Variants in RCBTB1 observed in about 807,000 individuals in gnomAD.
RCBTB1 encodes the protein RCC1 and BTB domain containing protein 1, also known as RCC1 and BTB domain-containing protein 1.
In RCBTB1, 46 loss-of-function variants were observed where a neutral mutation model predicts 62.4. The observed-to-expected ratio is 0.74, with a 90% CI of 0.58 to 0.94. RCBTB1 has a LOEUF of 0.94. Ranked by LOEUF, RCBTB1 falls within the 40% of genes least tolerant of loss-of-function variation. The pLI is 0.00. For missense variants in RCBTB1, 565 were observed against 654.9 expected, an observed-to-expected ratio of 0.86 and a Z score of 1.50; for synonymous variants, 222 against 245.8, an observed-to-expected ratio of 0.90 and a Z score of 0.91.
intron 9 of RCBTB1, among the ~76,000 whole-genome samples, chr13:49,545,291 A>G (rs964980220): frequency 6.6e-6 from 1 of 152,140 alleles, no homozygotes; most frequent in African/African-American, 2.4e-5. Context: ...ACCCAACTCA[A>G]GGAGGTGCAA....
In RCBTB1 at chr13:49,559,993, G is replaced by A; in HGVS notation, c.369C>T (p.Thr123=). 2 of 1,614,148 alleles carry A rather than the reference G, an allele frequency of 1.2e-6. No homozygotes were observed. The highest frequency in any genetic ancestry group is 1.7e-6 in the Non-Finnish European group (2 of 1,180,012). Residue 123 remains threonine, a synonymous_variant, in exon 5 of 13, where the codon ACC becomes ACT. Coordinates refer to ENST00000378302, the MANE Select transcript of RCBTB1 (RefSeq NM_018191.4). ...CCACCACTTGCTTGATCAAGAGATTGGTACAGACCTGGACGGGAGCAATGC... is the reference window on the plus strand; with the variant it reads ...CCACCACTTGCTTGATCAAGAGATTAGTACAGACCTGGACGGGAGCAATGC... ...NQGIAPVQVC[T]NLLIKQVVEV...
At chr13:49,549,799 C>T in intron 8 of RCBTB1, 151 bp from the exon 9 acceptor site, 1 of 1,428,844 alleles carries the variant, frequency 7.0e-7, no homozygotes, top group Non-Finnish European at 9.1e-7. Context: ...GCAACAAAAG[C>T]AACAGATCAG....
intron 8 of RCBTB1, chr13:49,550,589 T>TA (rs1161702039): frequency 4.2e-6 from 1 of 240,260 alleles, no homozygotes; most frequent in Non-Finnish European, 6.8e-6. Context: ...CAGATTTATT[T>TA]AAAAGTTGTT....
intron 9 of RCBTB1, chr13:49,547,202 C>G: frequency 1.6e-6 from 2 of 1,225,082 alleles, no homozygotes; most frequent in Non-Finnish European, 2.1e-6. Context: ...TGTATTATAC[C>G]TAAAGAACAT....
At position 49,549,516 on chromosome 13, in the gene RCBTB1, G is replaced by A. The variant is rs754645631; in HGVS notation, c.987C>T (p.Thr329=). 9.3e-6 allele frequency: 15 copies of A among 1,613,536 alleles called. No homozygotes were observed. Among genetic ancestry groups the A allele is most frequent in the East Asian group, 8.9e-5 (4 of 44,832 alleles). Residue 329 remains threonine, a synonymous_variant, in exon 9 of 13, where the codon ACC becomes ACT. Coordinates refer to ENST00000378302, the MANE Select transcript of RCBTB1 (RefSeq NM_018191.4). ...TGGCAAAGCAGGCAAACACGTCGTCGGTGCAGGAGAAGTGGGTGAGGTGCG... is the reference window on the plus strand; with the variant it reads ...TGGCAAAGCAGGCAAACACGTCGTCAGTGCAGGAGAAGTGGGTGAGGTGCG... The part of the protein sequence containing the change: ...ILPHLTHFSC[T]DDVFACFATP...
intron 2 of RCBTB1, among the ~76,000 whole-genome samples, chr13:49,579,262 T>C (rs567777558): frequency 1.3e-5 from 2 of 152,168 alleles, no homozygotes; most frequent in Non-Finnish European, 2.9e-5. Flanking sequence ...GACACTAATA[T>C]GTTATTGCCC....
intron 2 of RCBTB1, among the ~76,000 whole-genome samples, chr13:49,571,662 T>A (rs4941646): frequency 0.22 from 33,891 of 151,956 alleles, 4,634 homozygotes; most frequent in East Asian, 0.55. Flanking sequence ...TGTGGGGCTA[T>A]GTGCCAGGCA....
chr13:49,547,175 C>CAAAA (rs3039280), intron 9 of RCBTB1: 431 of 1,086,904 alleles, frequency 4.0e-4, no homozygotes, highest in African/African-American at 1.1e-3. Context: ...ATACTCACTG[C>CAAAA]AAAAAAAAAA....
At chr13:49,556,795 TTTAA>T (rs1258810620) in intron 5 of RCBTB1, among the ~76,000 whole-genome samples, 2 of 152,230 alleles carry the variant, frequency 1.3e-5, no homozygotes, top group African/African-American at 4.8e-5. Context: ...AAATATCTAG[TTTAA>T]TTATGCAAAT....
chr13:49,562,776 C>CCTTT (rs1566249913), intron 4 of RCBTB1, among the ~76,000 whole-genome samples: 1 of 61,344 alleles, frequency 1.6e-5, no homozygotes, highest in Non-Finnish European at 3.3e-5. Flanking sequence ...CCATCCCCGG[C>CCTTT]TTTTTTTTTT....
intron 2 of RCBTB1, among the ~76,000 whole-genome samples, chr13:49,574,802 G>GCATT (rs1382199308): frequency 6.6e-6 from 1 of 152,042 alleles, no homozygotes; most frequent in Non-Finnish European, 1.5e-5. Flanking sequence ...GGTCAAAGCA[G>GCATT]CATTATTCAC....
chr13:49,548,388 C>CAAAAA (rs1289018692), intron 9 of RCBTB1, among the ~76,000 whole-genome samples: 7 of 80,244 alleles, frequency 8.7e-5, no homozygotes, highest in Non-Finnish European at 5.4e-5. Context: ...GACTCCGTCT[C>CAAAAA]AAAAAAAAAA....
chr13:49,544,473 GAAACAAAC>G (rs58168524), intron 10 of RCBTB1, among the ~76,000 whole-genome samples: 88,469 of 151,238 alleles, frequency 0.58, 27,322 homozygotes, highest in Admixed American at 0.7. Context: ...CTGTCTCAAA[GAAACAAAC>G]AAACAAACAA....
intron 2 of RCBTB1, among the ~76,000 whole-genome samples, chr13:49,573,040 A>G (rs114674249): frequency 2.6e-3 from 400 of 152,216 alleles, no homozygotes; most frequent in African/African-American, 9.0e-3. Flanking sequence ...GGTTTGTCCA[A>G]ATTATAAGCA....
At position 49,560,040 on chromosome 13, in the gene RCBTB1, C is replaced by G. The variant is rs769185609; in HGVS notation, c.322G>C (p.Gly108Arg). Residue 108 changes from glycine to arginine, a missense_variant, in exon 5 of 13, where the codon GGG (glycine) becomes CGG (arginine). Transcript: ENST00000378302. The part of the protein sequence containing the change: ...AWGHNGYSQL[G>R]NGTTNQGIAP... Reference sequence around the variant, plus strand: ...ATGCCTTGGTTGGTCGTCCCATTCCCAAGCTGGCTATATCCATTGTGGCCC... The same window carrying G: ...ATGCCTTGGTTGGTCGTCCCATTCCGAAGCTGGCTATATCCATTGTGGCCC... 1.2e-6 allele frequency: 2 copies of G among 1,614,180 alleles called. No homozygotes were observed. Among genetic ancestry groups the G allele is most frequent in the Non-Finnish European group, 8.5e-7 (1 of 1,180,026 alleles).
intron 9 of RCBTB1, among the ~76,000 whole-genome samples, chr13:49,545,218 C>T (rs1460331585): frequency 6.6e-6 from 1 of 152,100 alleles, no homozygotes; most frequent in Non-Finnish European, 1.5e-5. Flanking sequence ...GAATTTGTTT[C>T]CCTTGACTGA....
At chr13:49,557,181 A>G (rs1961991845) in intron 5 of RCBTB1, among the ~76,000 whole-genome samples, 1 of 152,204 alleles carries the variant, frequency 6.6e-6, no homozygotes, top group Admixed American at 6.5e-5. Context: ...GAGGAACAGT[A>G]TGATCTAATC....
At chr13:49,575,296 T>A (rs1963698658) in intron 2 of RCBTB1, among the ~76,000 whole-genome samples, 1 of 152,092 alleles carries the variant, frequency 6.6e-6, no homozygotes. Flanking sequence ...CACTATACAC[T>A]GTTAGTGGGA....
rs995584810 is a variant in RCBTB1, at chr13:49,532,383, G to A, written c.*1739C>T. 1 of 148,786 alleles carries A rather than the reference G, an allele frequency of 6.7e-6. No homozygotes were observed. Among genetic ancestry groups the A allele is most frequent in the Non-Finnish European group, 1.5e-5 (1 of 66,890 alleles). 9.2% of individuals were successfully genotyped at this position (148,786 alleles called of 1,614,324 possible). A position where few individuals can be genotyped will look rare whatever the true frequency, so the allele number is the denominator to read the frequency against. On this transcript the variant is annotated 3_prime_UTR_variant, in exon 13 of 13. Transcript: ENST00000378302. ...TAATTTGTGCTTTTTTTGAAAAAAA[G>A]TTTTCAAGTAAGAGCAATAGTAAAC...
Sources: allele counts gnomAD v4.1 joint callset (sites outside exome capture counted in the v4.1 genomes callset), GRCh38; gene constraint gnomAD v4.1.1; transcripts MANE v1.5; gene names NCBI Gene and HGNC (gene_info 2026-07-23, HGNC 2026-07-21).